The following OR5A2 variants were observed in gnomAD, a reference collection of about 807,000 sequenced individuals.
OR5A2 encodes olfactory receptor 5A2.
For missense variants in OR5A2, 406 were observed against 398.9 expected (o/e 1.02, Z -0.15); for synonymous variants, 155 against 151.1 (o/e 1.03, Z -0.19).
chr11:59,422,705 C>G lies in OR5A2; in HGVS notation c.249G>C (p.Leu83=), dbSNP rs373957770. The change falls in exon 2 of 2, where the codon CTG becomes CTC. Residue 83 remains leucine (L), a synonymous_variant. Transcript: ENST00000302040. ...TTTTCTGCTCTGTGATGATGTCAGA[C>G]AGCATCTTAGGGGCGGTGGAGGACA... ...CYVSSTAPKM[L]SDIITEQKTI... 2.5e-5 allele frequency: 41 copies of G among 1,614,036 alleles called. No homozygotes were observed. Among genetic ancestry groups the G allele is most frequent in the Non-Finnish European group, 3.5e-5 (41 of 1,180,030 alleles).
intron 1 of OR5A2, chr11:59,425,460 A>T (rs1159299937): frequency 1.3e-5 from 2 of 152,100 alleles, no homozygotes; most frequent in Admixed American, 1.3e-4. Flanking sequence ...ATACTCTTGG[A>T]GTCAGAGGCT....
rs1858183597 is a variant in OR5A2, at chr11:59,418,468, T to A, written c.*3511A>T. 6.6e-6 allele frequency: 1 copy of A among 152,124 alleles called. No individual in the cohort carries two copies. The highest frequency in any genetic ancestry group is 2.4e-5 in the African/African-American group (1 of 41,444). The allele number at this position is 152,124 out of a possible 1,614,324, so 9.4% of individuals were successfully genotyped here. ...ACACCCTAGATGATGGTAATTTTAC[T>A]AAAGTGAATTCTATCTCCAGCTAGC... On this transcript the variant is annotated 3_prime_UTR_variant, in exon 2 of 2. Transcript: ENST00000302040.
intron 1 of OR5A2, chr11:59,425,270 G>A (rs1232387478): frequency 1.3e-5 from 2 of 152,182 alleles, no homozygotes; most frequent in African/African-American, 4.8e-5. Flanking sequence ...CAAATGGGTC[G>A]AAGTGAGTTT....
Position 59,417,494 on chromosome 11 carries a change from C to T in OR5A2, c.*4485G>A, listed in dbSNP as rs887326398. 1.3e-5 allele frequency: 2 copies of T among 152,010 alleles called. No individual in the cohort carries two copies. The highest frequency in any genetic ancestry group is 2.9e-5 in the Non-Finnish European group (2 of 68,012). The allele number at this position is 152,010 out of a possible 1,614,324, so 9.4% of individuals were successfully genotyped here. The stretch of plus-strand genomic sequence containing the variant: ...TCAATATAAACACCTGGCTTATCAT[C>T]CCCAGGGGGTTTGAAAATGTTATAG... On this transcript the variant is annotated 3_prime_UTR_variant, in exon 2 of 2. Coordinates refer to ENST00000302040, the MANE Select transcript of OR5A2 (RefSeq NM_001001954.2).
At position 59,420,588 on chromosome 11, in the gene OR5A2, T is replaced by G. The variant is rs922034368; in HGVS notation, c.*1391A>C. 2.0e-5 allele frequency: 3 copies of G among 152,146 alleles called. No homozygotes were observed. The highest frequency in any genetic ancestry group is 7.2e-5 in the African/African-American group (3 of 41,426). 9.4% of individuals were successfully genotyped at this position (152,146 alleles called of 1,614,324 possible). A position where few individuals can be genotyped will look rare whatever the true frequency, so the allele number is the denominator to read the frequency against. ...TTTTATGGTTAGGATCTGAGGCACC[T>G]AGAGTCCAAGCAACTTGCCTAAAGA... On this transcript the variant is annotated 3_prime_UTR_variant, in exon 2 of 2. Transcript: ENST00000302040.
chr11:59,423,632 T>TTG (rs1436971524), intron 1 of OR5A2: 1 of 136,558 alleles, frequency 7.3e-6, no homozygotes, highest in African/African-American at 2.7e-5. Context: ...ATATGTATAT[T>TTG]TGTATATATA....
chr11:59,422,062 TCTC>T lies in OR5A2; in HGVS notation c.889_891del (p.Glu297del). The T allele has an allele frequency of 6.2e-7, 1 of 1,614,076 alleles. No homozygotes were observed. Among genetic ancestry groups the T allele is most frequent in the Non-Finnish European group, 8.5e-7 (1 of 1,179,974 alleles). ...ATGGCTTTCCTCATGGCATTTTTAATCTCCTTATTCCTAAAACTGTAGATGATG... is the reference window on the plus strand; with the variant it reads ...ATGGCTTTCCTCATGGCATTTTTAATCTTATTCCTAAAACTGTAGATGATG... On this transcript the variant is annotated inframe_deletion, in exon 2 of 2. Coordinates refer to ENST00000302040, the MANE Select transcript of OR5A2 (RefSeq NM_001001954.2).
rs1203724625 is a variant in OR5A2 at position 59,420,866 on chromosome 11, T to G, written c.*1113A>C. On this transcript the variant is annotated 3_prime_UTR_variant, in exon 2 of 2. Transcript: ENST00000302040. ...CTTCTCTTTAGATTCCTAAGAAACT[T>G]TAATTGTCAGTTAGAAAGCTGTCAC... 5.9e-5 allele frequency: 9 copies of G among 152,222 alleles called. No individual in the cohort carries two copies. The highest frequency in any genetic ancestry group is 1.2e-4 in the Non-Finnish European group (8 of 68,032). 9.4% of individuals were successfully genotyped at this position (152,222 alleles called of 1,614,324 possible).
In OR5A2 at chr11:59,423,054, C is replaced by A; in HGVS notation, c.-91-10G>T. The A allele has an allele frequency of 8.2e-7, 1 of 1,221,910 alleles. No individual in the cohort carries two copies. Among genetic ancestry groups the A allele is most frequent in the Non-Finnish European group, 1.2e-6 (1 of 868,740 alleles). The allele number at this position is 1,221,910 out of a possible 1,614,324, so 75.7% of individuals were successfully genotyped here. ...TAAGAGTGGGTATTTCCTAGAAGAT[C>A]ATACAAACAGTCAGCAACAAGTTAA... On this transcript the variant is annotated splice_polypyrimidine_tract_variant and intron_variant, in intron 1 of 1. Transcript: ENST00000302040.
Position 59,418,658 on chromosome 11 carries a change from C to T in OR5A2, c.*3321G>A, listed in dbSNP as rs1419013586. 6.6e-6 allele frequency: 1 copy of T among 152,022 alleles called. No homozygotes were observed. Among genetic ancestry groups the T allele is most frequent in the Non-Finnish European group, 1.5e-5 (1 of 67,992 alleles). The allele number at this position is 152,022 out of a possible 1,614,324, so 9.4% of individuals were successfully genotyped here. ...TTAACATGTGGCTTACTGTATACCC[C>T]CAAACATTCAAGTCTTACAACCAAT... On this transcript the variant is annotated 3_prime_UTR_variant, in exon 2 of 2. Transcript: ENST00000302040.
At chr11:59,423,814 C>G (rs1341739525) in intron 1 of OR5A2, 1 of 151,994 alleles carries the variant, frequency 6.6e-6, no homozygotes, top group African/African-American at 2.4e-5. Flanking sequence ...TTTGGACTAG[C>G]ACGGTCAGCA....
rs1448532518 is a variant in OR5A2 at position 59,420,135 on chromosome 11, C to T, written c.*1844G>A. 1 of 152,074 alleles carries T rather than the reference C, an allele frequency of 6.6e-6. No homozygotes were observed. The highest frequency in any genetic ancestry group is 6.6e-5 in the Admixed American group (1 of 15,256). The allele number at this position is 152,074 out of a possible 1,614,324, so 9.4% of individuals were successfully genotyped here. A position where few individuals can be genotyped will look rare whatever the true frequency, so the allele number is the denominator to read the frequency against. On this transcript the variant is annotated 3_prime_UTR_variant, in exon 2 of 2. Coordinates refer to ENST00000302040, the MANE Select transcript of OR5A2 (RefSeq NM_001001954.2). ...TTGCAGGGCATGACTCCCCAGACCC[C>T]TTAGAAAGGAATTTGGGCAAGATAA...
At position 59,418,061 on chromosome 11, in the gene OR5A2, C is replaced by T. The variant is rs896153625; in HGVS notation, c.*3918G>A. 1.3e-5 allele frequency: 2 copies of T among 152,064 alleles called. No individual in the cohort carries two copies. The allele number at this position is 152,064 out of a possible 1,614,324, so 9.4% of individuals were successfully genotyped here. A position where few individuals can be genotyped will look rare whatever the true frequency, so the allele number is the denominator to read the frequency against. ...AAAGTAGGAAAAGCTGTAAGTTCAT[C>T]AATCTATAAATATTGATTAGAAGGG... On this transcript the variant is annotated 3_prime_UTR_variant, in exon 2 of 2. Coordinates refer to ENST00000302040, the MANE Select transcript of OR5A2 (RefSeq NM_001001954.2).
In OR5A2 at chr11:59,422,105, G is replaced by A; in HGVS notation, c.849C>T (p.Ile283=). 6.2e-7 allele frequency: 1 copy of A among 1,614,044 alleles called. No homozygotes were observed. The highest frequency in any genetic ancestry group is 8.5e-7 in the Non-Finnish European group (1 of 1,179,994). The change falls in exon 2 of 2, where the codon ATC becomes ATT. Residue 283 remains isoleucine (I), a synonymous_variant. Coordinates refer to ENST00000302040, the MANE Select transcript of OR5A2 (RefSeq NM_001001954.2). ...TGTAGATGATGGGATTCACCACGGG[G>A]ATCACCAAGGCATAGAATATGGACA... ...KVVSIFYALV[I]PVVNPIIYSF... is the part of the protein sequence containing the mutation.
rs1267476817 is a variant in OR5A2 at position 59,420,201 on chromosome 11, AAAAC to A, written c.*1774_*1777del. ...AGTCCTCAGGTAGCTACAGATGAGGAAAACAGAGTTTCTAAATAACTTGGATCAG... is the reference window on the plus strand; with the variant it reads ...AGTCCTCAGGTAGCTACAGATGAGGAAGAGTTTCTAAATAACTTGGATCAG... On this transcript the variant is annotated 3_prime_UTR_variant, in exon 2 of 2. Transcript: ENST00000302040. The A allele has an allele frequency of 6.6e-6, 1 of 152,138 alleles. No individual in the cohort carries two copies. The allele number at this position is 152,138 out of a possible 1,614,324, so 9.4% of individuals were successfully genotyped here. A position where few individuals can be genotyped will look rare whatever the true frequency, so the allele number is the denominator to read the frequency against.
At position 59,421,796 on chromosome 11, in the gene OR5A2, G is replaced by T; in HGVS notation, c.*183C>A. 1.9e-6 allele frequency: 1 copy of T among 514,866 alleles called. No homozygotes were observed. Among genetic ancestry groups the T allele is most frequent in the Non-Finnish European group, 3.3e-6 (1 of 306,252 alleles). The allele number at this position is 514,866 out of a possible 1,614,324, so 31.9% of individuals were successfully genotyped here. ...CATTTAAAATCTCAAACTATACAAT[G>T]CTATTCATTTTACAAGCAACAATGG... On this transcript the variant is annotated 3_prime_UTR_variant, in exon 2 of 2. Coordinates refer to ENST00000302040, the MANE Select transcript of OR5A2 (RefSeq NM_001001954.2).
Position 59,421,904 on chromosome 11 carries a change from A to G in OR5A2, c.*75T>C. ...GAAAAAAGCCTGATTCCCACAATTC[A>G]TTCTATAGATCAACTAGTTTAAAAT... On this transcript the variant is annotated 3_prime_UTR_variant, in exon 2 of 2. Transcript: ENST00000302040. 7.0e-7 allele frequency: 1 copy of G among 1,430,032 alleles called. No homozygotes were observed. Among genetic ancestry groups the G allele is most frequent in the Non-Finnish European group, 9.4e-7 (1 of 1,063,522 alleles). The allele number at this position is 1,430,032 out of a possible 1,614,324, so 88.6% of individuals were successfully genotyped here.
rs1858225565 is a variant in OR5A2 at position 59,421,915 on chromosome 11, C to T, written c.*64G>A. 1 of 1,461,926 alleles carries T rather than the reference C, an allele frequency of 6.8e-7. No homozygotes were observed. The highest frequency in any genetic ancestry group is 9.2e-7 in the Non-Finnish European group (1 of 1,088,740). The allele number at this position is 1,461,926 out of a possible 1,614,324, so 90.6% of individuals were successfully genotyped here. A position where few individuals can be genotyped will look rare whatever the true frequency, so the allele number is the denominator to read the frequency against. ...GATTCCCACAATTCATTCTATAGAT[C>T]AACTAGTTTAAAATTATGTAAATGT... On this transcript the variant is annotated 3_prime_UTR_variant, in exon 2 of 2. Coordinates refer to ENST00000302040, the MANE Select transcript of OR5A2 (RefSeq NM_001001954.2).
rs1046197439 is a variant in OR5A2 at position 59,419,125 on chromosome 11, C to A, written c.*2854G>T. 1.2e-4 allele frequency: 18 copies of A among 152,136 alleles called. No homozygotes were observed. The highest frequency in any genetic ancestry group is 3.9e-4 in the African/African-American group (16 of 41,436). The allele number at this position is 152,136 out of a possible 1,614,324, so 9.4% of individuals were successfully genotyped here. A position where few individuals can be genotyped will look rare whatever the true frequency, so the allele number is the denominator to read the frequency against. On this transcript the variant is annotated 3_prime_UTR_variant, in exon 2 of 2. Coordinates refer to ENST00000302040, the MANE Select transcript of OR5A2 (RefSeq NM_001001954.2). Reference sequence around the variant, plus strand: ...TGGCAAAATGGCCACAGCTGTGAACCTGAGCCCGCTCTAGTTCCCTAAGAA... The same window carrying A: ...TGGCAAAATGGCCACAGCTGTGAACATGAGCCCGCTCTAGTTCCCTAAGAA...
Sources: allele counts gnomAD v4.1 joint callset, GRCh38; gene constraint gnomAD v4.1.1; transcripts MANE v1.5; gene names NCBI Gene and HGNC (gene_info 2026-07-23, HGNC 2026-07-21).